TEX14: variants seen among roughly 807,000 people sequenced by gnomAD.
TEX14 encodes the protein inactive serine/threonine-protein kinase TEX14.
Under a neutral mutation model 178.6 loss-of-function variants are expected in TEX14, and 168 were observed. That is an observed-to-expected ratio of 0.94 (90% CI 0.83 to 1.07). The LOEUF is 1.07. Among genes scored for constraint, TEX14 ranks in the 50% least tolerant of loss-of-function variants. TEX14 has a pLI of 0.00. For missense variants in TEX14, 1,730 were observed against 1,753.6 expected (o/e 0.99, Z 0.24); for synonymous variants, 626 against 634.1 (o/e 0.99, Z 0.19).
chr17:58,565,373 G>A (rs1161721183), intron 27 of TEX14, among the ~76,000 whole-genome samples: 2 of 152,170 alleles, frequency 1.3e-5, no homozygotes, highest in Non-Finnish European at 2.9e-5. Flanking sequence ...AAGGAATTTG[G>A]GTGGGGAAGG....
intron 15 of TEX14, among the ~76,000 whole-genome samples, chr17:58,592,398 G>A (rs907778353): frequency 1.2e-4 from 18 of 150,938 alleles, no homozygotes; most frequent in Non-Finnish European, 2.5e-4. Context: ...GCAGTGGCGC[G>A]ATCTCCTCTC....
intron 1 of TEX14, among the ~76,000 whole-genome samples, chr17:58,665,302 T>G (rs1385911473): frequency 6.6e-6 from 1 of 151,636 alleles, no homozygotes; most frequent in Non-Finnish European, 1.5e-5. Context: ...CACATGAAAT[T>G]AACTTTATTA....
At chr17:58,641,787 C>A (rs1457274812) in intron 2 of TEX14, among the ~76,000 whole-genome samples, 1 of 152,170 alleles carries the variant, frequency 6.6e-6, no homozygotes, top group Non-Finnish European at 1.5e-5. Context: ...GGATTACAGG[C>A]GTAAGCCACT....
rs1799669986 is a variant in TEX14 at position 58,598,951 on chromosome 17, A to G, written c.2394T>C (p.Pro798=). The G allele has an allele frequency of 6.2e-7, 1 of 1,614,064 alleles. No individual in the cohort carries two copies. The highest frequency in any genetic ancestry group is 8.5e-7 in the Non-Finnish European group (1 of 1,180,044). ...TCTGACCCCCTGAAAGCTGTAGGAC[A>G]GGAGGAATATAGTTTAAAGATGGAG... ...VGPPSLNYIP[P]VLQLSGGQKP... The change falls in exon 14 of 32, where the codon CCT becomes CCC. Residue 798 remains proline (P), a synonymous_variant. Coordinates refer to ENST00000349033, the MANE Select transcript of TEX14 (RefSeq NM_031272.5).
At chr17:58,557,914 T>C (rs1223546044) in intron 30 of TEX14, 64 bp from the exon 31 acceptor site, 3 of 1,290,826 alleles carry the variant, frequency 2.3e-6, no homozygotes, top group African/African-American at 2.9e-5. Flanking sequence ...AGGGTGCCAG[T>C]ATTCATATTA....
intron 1 of TEX14, chr17:58,660,778 A>C: frequency 1.3e-6 from 1 of 781,208 alleles, no homozygotes; most frequent in Non-Finnish European, 2.4e-6. Context: ...TCTGATGTTG[A>C]TCATACCAGT....
At chr17:58,602,069 A>G (rs2045466133) in intron 12 of TEX14, 113 bp from the exon 13 acceptor site, 1 of 1,145,332 alleles carries the variant, frequency 8.7e-7, no homozygotes, top group Admixed American at 2.4e-5. Context: ...TGTTGGGTAG[A>G]CTGACTTTAG....
intron 13 of TEX14, 52 bp downstream of exon 13, chr17:58,601,752 ACT>A (rs1300920320): frequency 6.5e-7 from 1 of 1,540,784 alleles, no homozygotes; most frequent in African/African-American, 1.4e-5. Context: ...AGCTCATGTG[ACT>A]CTCAGAACAC....
chr17:58,663,278 C>T (rs1598428804), intron 1 of TEX14, among the ~76,000 whole-genome samples: 1 of 151,076 alleles, frequency 6.6e-6, no homozygotes, highest in Non-Finnish European at 1.5e-5. Context: ...CAAAATTAGC[C>T]GGTTGTGGCG....
intron 29 of TEX14, among the ~76,000 whole-genome samples, chr17:58,560,079 G>GA (rs1378226634): frequency 6.6e-6 from 1 of 152,134 alleles, no homozygotes; most frequent in East Asian, 1.9e-4. Context: ...CTATTAAGCA[G>GA]AAACCATCCC....
At position 58,569,429 on chromosome 17, in the gene TEX14, A is replaced by G. The variant is rs904140469; in HGVS notation, c.3818-169T>C. Among the ~76,000 whole-genome samples, 8 of 152,268 alleles carry G rather than the reference A, an allele frequency of 5.3e-5. No individual in the cohort carries two copies. Among genetic ancestry groups the G allele is most frequent in the Non-Finnish European group, 1.2e-4 (8 of 68,020 alleles). ...ATAGTTCCAGTAGAGACCTCCTAAC[A>G]TGTGAATGGCCTTTACTCCCCACTT... On this transcript the variant is annotated intron_variant, in intron 25 of 31. Transcript: ENST00000349033. This position sits in a 1 kb window ranked among gnomAD's most constrained non-coding sequence, Gnocchi z 4.1.
At chr17:58,647,544 G>GT (rs1308698571) in intron 2 of TEX14, among the ~76,000 whole-genome samples, 2 of 150,078 alleles carry the variant, frequency 1.3e-5, no homozygotes, top group Non-Finnish European at 3.0e-5. Flanking sequence ...AGAAAAAAAA[G>GT]TGGATTCTGC....
intron 19 of TEX14, chr17:58,581,770 A>ATTGTAACGAAATCCCT (rs1172786167): frequency 6.3e-7 from 1 of 1,598,694 alleles, no homozygotes; most frequent in African/African-American, 1.3e-5. Flanking sequence ...GTTGCTGTTC[A>ATTGTAACGAAATCCCT]TTGTAACGAA....
chr17:58,646,448 T>C (rs1248103894), intron 2 of TEX14, among the ~76,000 whole-genome samples: 1 of 152,190 alleles, frequency 6.6e-6, no homozygotes, highest in Non-Finnish European at 1.5e-5. Flanking sequence ...CCTTTTCTTT[T>C]CTAGCTCCTC....
rs191015478 is a variant in TEX14, at chr17:58,613,903, G to A, written c.882-359C>T. 1.9e-3 allele frequency among the ~76,000 whole-genome samples: 288 copies of A among 152,200 alleles called. 2 individuals are homozygous for A. The highest frequency in any genetic ancestry group is 3.2e-3 in the Non-Finnish European group (216 of 68,016). On this transcript the variant is annotated intron_variant, in intron 8 of 31. Transcript: ENST00000349033. ...GCTGGTCTTGAATTCCTGACCTCAG[G>A]TGATCCACCCGCCTTGGCCTCCCAA... is the stretch of plus-strand genomic sequence containing the variant.
At chr17:58,600,335 C>T (rs1238848536) in intron 13 of TEX14, among the ~76,000 whole-genome samples, 1 of 150,642 alleles carries the variant, frequency 6.6e-6, no homozygotes, top group African/African-American at 2.5e-5. Context: ...TGGTCTCAAA[C>T]CAACATGGTG....
In TEX14 at chr17:58,677,034, G is replaced by A. The variant is rs145790052; in HGVS notation, c.-2+14905C>T. Among the ~76,000 whole-genome samples, 390 of 149,704 alleles carry A rather than the reference G, an allele frequency of 2.6e-3. 6 individuals are homozygous for A. The East Asian group carries it at 0.036, about 14-fold the overall frequency. On this transcript the variant is annotated intron_variant, in intron 1 of 31. Coordinates refer to ENST00000349033, the MANE Select transcript of TEX14 (RefSeq NM_031272.5). ...CTCAGGAGGCTGAGGCAGGAGAATC[G>A]CTTGAACTCAGGAGGTGGAGGGTGC... is the stretch of plus-strand genomic sequence containing the variant.
intron 1 of TEX14, among the ~76,000 whole-genome samples, chr17:58,677,004 A>C (rs922096936): frequency 6.6e-6 from 1 of 151,136 alleles, no homozygotes; most frequent in Non-Finnish European, 1.5e-5. Flanking sequence ...CTGTAATCCC[A>C]GCTACTCAGG....
Position 58,613,481 on chromosome 17 carries a change from T to A in TEX14, c.945A>T (p.Lys315Asn). ...MAVCLSQDLE[K>N]TRLVYERITI... ...TGATGCGCTCGTACACAAGGCGGGTTTTCTCTAGGTCCTGGGAGAGACACA... is the reference window on the plus strand; with the variant it reads ...TGATGCGCTCGTACACAAGGCGGGTATTCTCTAGGTCCTGGGAGAGACACA... The change falls in exon 9 of 32, where the codon AAA (lysine) becomes AAT (asparagine). Residue 315 changes from lysine to asparagine, a missense_variant. Physicochemically the swap from Lys to Asn is moderately conservative, Grantham distance 94. Coordinates refer to ENST00000349033, the MANE Select transcript of TEX14 (RefSeq NM_031272.5). The A allele has an allele frequency of 2.5e-6, 4 of 1,614,036 alleles. No individual in the cohort carries two copies. The highest frequency in any genetic ancestry group is 3.4e-6 in the Non-Finnish European group (4 of 1,179,996).
Sources: gnomAD v4.1 joint callset for allele counts (sites outside exome capture counted in the v4.1 genomes callset) on GRCh38, gnomAD v4.1.1 for gene constraint, Gnocchi (gnomAD v3.1) non-coding constraint, MANE v1.5 for transcripts, NCBI Gene and HGNC (gene_info 2026-07-23, HGNC 2026-07-21) for gene names.